Variants in CCDC73 observed in about 807,000 individuals in gnomAD.
The protein encoded by CCDC73 is coiled-coil domain containing 73, also known as coiled-coil domain-containing protein 73.
Under a neutral mutation model 116.5 loss-of-function variants are expected in CCDC73, and 95 were observed. The ratio of observed to expected loss-of-function variants is 0.82; its 90% CI spans 0.69 to 0.97. The LOEUF (loss-of-function observed/expected upper bound fraction) is 0.97. Among genes scored for constraint, CCDC73 ranks in the 50% least tolerant of loss-of-function variants. CCDC73 has a pLI of 0.00. For synonymous variants in CCDC73, 398 were observed against 401.3 expected, an observed-to-expected ratio of 0.99 and a Z score of 0.10; for missense variants, 1,066 against 1,206.8, an observed-to-expected ratio of 0.88 and a Z score of 1.73.
At chr11:32,614,989 C>A in intron 15 of CCDC73, 47 bp from the exon 16 acceptor site, 1 of 1,135,960 alleles carries the variant, frequency 8.8e-7, no homozygotes, top group Non-Finnish European at 1.2e-6. Flanking sequence ...ACACTAAAGG[C>A]TGATTTCATA....
chr11:32,624,404 A>G (rs1470489270), intron 14 of CCDC73, among the ~76,000 whole-genome samples: 1 of 152,174 alleles, frequency 6.6e-6, no homozygotes, highest in African/African-American at 2.4e-5. Flanking sequence ...CAGCAATACC[A>G]TTTCTTGAAG....
chr11:32,817,924 T>C, the CCDC73 span, among the ~76,000 whole-genome samples: 1,959 of 152,322 alleles, frequency 0.013, 39 homozygotes, highest in African/African-American at 0.045. Flanking sequence ...TGTTAATTAA[T>C]CATCACAGGC....
chr11:32,633,491 A>G (rs1321909476), intron 14 of CCDC73, among the ~76,000 whole-genome samples: 3 of 152,218 alleles, frequency 2.0e-5, no homozygotes, highest in Non-Finnish European at 4.4e-5. Context: ...GAGGACTCAT[A>G]GGACTCAATA....
At chr11:32,715,349 G>A (rs1424665966) in intron 3 of CCDC73, among the ~76,000 whole-genome samples, 1 of 152,082 alleles carries the variant, frequency 6.6e-6, no homozygotes, top group East Asian at 1.9e-4. Context: ...TGATCTACAA[G>A]TTCTGATAAC....
intron 1 of CCDC73, among the ~76,000 whole-genome samples, chr11:32,788,261 A>G (rs1339561805): frequency 6.6e-6 from 1 of 152,226 alleles, no homozygotes; most frequent in Non-Finnish European, 1.5e-5. Context: ...ATGTACAATC[A>G]GAGTGTTTCC....
At chr11:32,635,544 T>C (rs963347502) in intron 14 of CCDC73, 152 bp downstream of exon 14, 1 of 612,092 alleles carries the variant, frequency 1.6e-6, no homozygotes, top group Non-Finnish European at 2.2e-6. Flanking sequence ...TCATACTGTA[T>C]ACAAAAATTA....
chr11:32,796,434 C>T (rs565717671), upstream of CCDC73, among the ~76,000 whole-genome samples: 5 of 152,312 alleles, frequency 3.3e-5, no homozygotes, highest in East Asian at 5.8e-4. Context: ...AGTGTTTTTA[C>T]ATACATCATC....
chr11:32,608,669 T>G (rs529918774), intron 17 of CCDC73, among the ~76,000 whole-genome samples: 1 of 152,178 alleles, frequency 6.6e-6, no homozygotes, highest in Non-Finnish European at 1.5e-5. Context: ...GGACTCTATA[T>G]GGGGGCTCTG....
chr11:32,603,031 TA>T lies in CCDC73; in HGVS notation c.3031-12del, dbSNP rs756617936. 2 of 1,576,414 alleles carry T rather than the reference TA, an allele frequency of 1.3e-6. No individual in the cohort carries two copies. Among genetic ancestry groups the T allele is most frequent in the Non-Finnish European group, 8.6e-7 (1 of 1,164,866 alleles). ...AGGCTTTGTTTTCACCTGGGAAAGA[TA>T]AACTAATTTTACCTTCGAAATTATT... is the stretch of plus-strand genomic sequence containing the variant. On this transcript the variant is annotated splice_polypyrimidine_tract_variant and intron_variant, in intron 17 of 17. Transcript: ENST00000335185.
At chr11:32,654,627 T>C (rs1855854666) in intron 10 of CCDC73, among the ~76,000 whole-genome samples, 1 of 152,220 alleles carries the variant, frequency 6.6e-6, no homozygotes, top group Non-Finnish European at 1.5e-5. Context: ...ACCACAAGAT[T>C]ACTCAAAACC....
intron 6 of CCDC73, among the ~76,000 whole-genome samples, chr11:32,697,309 T>C (rs965737365): frequency 5.8e-5 from 8 of 138,586 alleles, no homozygotes; most frequent in Non-Finnish European, 1.1e-4. Context: ...CATAATATTA[T>C]ACCTATGATA....
intron 1 of CCDC73, among the ~76,000 whole-genome samples, chr11:32,775,915 A>C (rs933505578): frequency 6.6e-6 from 1 of 152,170 alleles, no homozygotes; most frequent in Non-Finnish European, 1.5e-5. Flanking sequence ...CAGATTTAAC[A>C]AATCAAAATT....
chr11:32,767,896 T>C (rs1324363831), intron 1 of CCDC73, among the ~76,000 whole-genome samples: 1 of 152,198 alleles, frequency 6.6e-6, no homozygotes, highest in African/African-American at 2.4e-5. Context: ...AGTTCAACCA[T>C]TGTGGAAGTC....
At chr11:32,820,350 C>G in the CCDC73 span, among the ~76,000 whole-genome samples, 3 of 152,014 alleles carry the variant, frequency 2.0e-5, no homozygotes, top group South Asian at 6.2e-4. Context: ...AGATGAGGGT[C>G]TCACTATGTT....
the CCDC73 span, among the ~76,000 whole-genome samples, chr11:32,821,613 T>G: frequency 6.6e-6 from 1 of 152,206 alleles, no homozygotes; most frequent in African/African-American, 2.4e-5. Flanking sequence ...CAGAGTCAGA[T>G]CTTGAATTTC....
At chr11:32,672,425 G>A (rs1429312778) in intron 9 of CCDC73, among the ~76,000 whole-genome samples, 1 of 152,140 alleles carries the variant, frequency 6.6e-6, no homozygotes, top group Non-Finnish European at 1.5e-5. Flanking sequence ...CAGAATTTAT[G>A]AGGCATATTT....
At chr11:32,739,941 TTA>T (rs1353675547) in intron 2 of CCDC73, among the ~76,000 whole-genome samples, 2 of 152,076 alleles carry the variant, frequency 1.3e-5, no homozygotes, top group Non-Finnish European at 1.5e-5. Flanking sequence ...ATTGGAATAG[TTA>T]TATGTTTGTC....
At chr11:32,654,595 G>T (rs1333574681) in intron 10 of CCDC73, among the ~76,000 whole-genome samples, 1 of 152,114 alleles carries the variant, frequency 6.6e-6, no homozygotes, top group African/African-American at 2.4e-5. Context: ...CATCTCCAAA[G>T]CTGTCCTGGA....
rs1441229063 is a variant in CCDC73, at chr11:32,718,246, CCT to C, written c.136-101_136-100del. 1.1e-5 allele frequency: 8 copies of C among 706,362 alleles called. No homozygotes were observed. The Admixed American group carries it at 2.2e-4, about 19-fold the overall frequency. The allele number at this position is 706,362 out of a possible 1,614,324, so 43.8% of individuals were successfully genotyped here. On this transcript the variant is annotated intron_variant, in intron 2 of 17. Transcript: ENST00000335185. The stretch of plus-strand genomic sequence containing the variant: ...GAGATATAGAAATAGCATACTCCCA[CCT>C]TTACAACAAGAAAAAAATCTAGACA...
Sources: gnomAD v4.1 joint callset for allele counts (sites outside exome capture counted in the v4.1 genomes callset) on GRCh38, gnomAD v4.1.1 for gene constraint, MANE v1.5 for transcripts, NCBI Gene and HGNC (gene_info 2026-07-23, HGNC 2026-07-21) for gene names.